PHIP: variants seen among roughly 807,000 people sequenced by gnomAD.
PHIP encodes the protein PH-interacting protein.
Under a neutral mutation model 236.8 loss-of-function variants are expected in PHIP, and 54 were observed. The ratio of observed to expected loss-of-function variants is 0.23; its 90% CI spans 0.18 to 0.29. The LOEUF is 0.29. Ranked by LOEUF, PHIP falls within the 10% of genes least tolerant of loss-of-function variation. PHIP has a pLI of 1.00. For synonymous variants in PHIP, 756 were observed against 718.9 expected (o/e 1.05, Z -0.83); for missense variants, 1,370 against 2,190.8 (o/e 0.63, Z 7.48).
chr6:79,044,826 G>A (rs911310362), intron 6 of PHIP, among the ~76,000 whole-genome samples: 6 of 151,986 alleles, frequency 3.9e-5, no homozygotes, highest in Middle Eastern at 3.4e-3. Context: ...TCTAAAAATC[G>A]GAGATGATAA....
chr6:78,956,252 T>C (rs755971448), intron 32 of PHIP: 1 of 152,256 alleles, frequency 6.6e-6, no homozygotes, highest in African/African-American at 2.4e-5. Flanking sequence ...GTAATGGGAA[T>C]CTTGGTTTTT....
intron 24 of PHIP, among the ~76,000 whole-genome samples, chr6:78,978,047 A>C (rs186297047): frequency 2.0e-4 from 30 of 152,254 alleles, no homozygotes; most frequent in African/African-American, 6.5e-4. Flanking sequence ...TGTTGAGACC[A>C]GTTCTTACAT....
At chr6:78,989,841 T>C (rs1240457176) in intron 20 of PHIP, among the ~76,000 whole-genome samples, 2 of 152,142 alleles carry the variant, frequency 1.3e-5, no homozygotes, top group East Asian at 1.9e-4. Flanking sequence ...AAAGGTACGC[T>C]TTCCACTTAC....
At chr6:78,965,349 CA>C (rs1372223603) in intron 29 of PHIP, among the ~76,000 whole-genome samples, 1 of 152,170 alleles carries the variant, frequency 6.6e-6, no homozygotes, top group East Asian at 1.9e-4. Context: ...CCGTCTCACT[CA>C]AAAGCATGAC....
At chr6:78,997,706 G>T (rs754563132) in intron 18 of PHIP, 109 bp from the exon 19 acceptor site, 1 of 861,084 alleles carries the variant, frequency 1.2e-6, no homozygotes, top group South Asian at 2.0e-5. Context: ...TTCATATTGT[G>T]GCAAAATAAT....
chr6:78,982,258 G>A (rs1407166968), intron 23 of PHIP, among the ~76,000 whole-genome samples: 1 of 152,108 alleles, frequency 6.6e-6, no homozygotes, highest in East Asian at 1.9e-4. Flanking sequence ...CATAAGAGCT[G>A]ACAGATATTC....
In PHIP at chr6:78,963,223, C is replaced by T. The variant is rs774743033; in HGVS notation, c.3409G>A (p.Val1137Ile). The T allele has an allele frequency of 6.2e-7, 1 of 1,606,936 alleles. No individual in the cohort carries two copies. The highest frequency in any genetic ancestry group is 8.5e-7 in the Non-Finnish European group (1 of 1,177,300). ...CTGCACTCACCATCAGTTAAAGGAACACTGGTACCTAGTTCTTCAGGAAAT... is the reference window on the plus strand; with the variant it reads ...CTGCACTCACCATCAGTTAAAGGAATACTGGTACCTAGTTCTTCAGGAAAT... ...AVFPEELGTS[V>I]PLTDGECRSL... The change falls in exon 30 of 40, where the codon GTT becomes ATT. Residue 1137 changes from valine to isoleucine, a missense_variant. By Grantham distance (29) the Val-to-Ile change is conservative. Around this residue, in one of 14 missense-constraint regions of PHIP, gnomAD observed 238 missense variants for 398.5 expected, o/e 0.60. Transcript: ENST00000275034.
At position 78,964,070 on chromosome 6, in the gene PHIP, C is replaced by T. The variant is rs139415634; in HGVS notation, c.3380-818G>A. Among the ~76,000 whole-genome samples, 97 of 152,296 alleles carry T rather than the reference C, an allele frequency of 6.4e-4. 1 individual carries two copies. The South Asian group carries it at 8.1e-3, about 13-fold the overall frequency. On this transcript the variant is annotated intron_variant, in intron 29 of 39. Transcript: ENST00000275034. ...ATTATAACACCAACTGGCTGCATTG[C>T]TATCATATTCACAACAGTTCAATGT...
intron 15 of PHIP, among the ~76,000 whole-genome samples, chr6:79,012,126 A>C (rs1770611074): frequency 6.6e-6 from 1 of 151,714 alleles, no homozygotes. Context: ...AAAATGCAGT[A>C]AAATGCTGAT....
intron 35 of PHIP, among the ~76,000 whole-genome samples, chr6:78,948,362 A>T (rs2127684178): frequency 6.6e-6 from 1 of 152,320 alleles, no homozygotes; most frequent in South Asian, 2.1e-4. Flanking sequence ...TAGAGTATAA[A>T]ATTAGGTAAC....
intron 34 of PHIP, 73 bp downstream of exon 34, chr6:78,955,158 TA>T: frequency 4.7e-6 from 5 of 1,071,046 alleles, no homozygotes; most frequent in East Asian, 2.7e-5. Context: ...ATGCTAAGAG[TA>T]AAAAAATAAA....
chr6:78,978,831 T>G, intron 23 of PHIP, 120 bp from the exon 24 acceptor site: 2 of 704,520 alleles, frequency 2.8e-6, no homozygotes, highest in African/African-American at 1.8e-5. Context: ...CATTGTACAA[T>G]ATTATATACA....
At chr6:78,943,019 A>T (rs1334670634) in intron 39 of PHIP, among the ~76,000 whole-genome samples, 4 of 152,340 alleles carry the variant, frequency 2.6e-5, no homozygotes, top group Admixed American at 2.6e-4. Context: ...CTTAGGAACT[A>T]AATTTTTATT....
chr6:79,050,807 G>A (rs1279335260), intron 6 of PHIP, among the ~76,000 whole-genome samples: 1 of 152,154 alleles, frequency 6.6e-6, no homozygotes, highest in African/African-American at 2.4e-5. Context: ...ATATTACAGT[G>A]TATGAATGTA....
chr6:79,006,951 A>G (rs1255943598), intron 15 of PHIP, among the ~76,000 whole-genome samples: 1 of 152,076 alleles, frequency 6.6e-6, no homozygotes, highest in Non-Finnish European at 1.5e-5. Context: ...AAAGAAAATA[A>G]AAGTATATTC....
chr6:78,971,623 C>T (rs981916445), intron 24 of PHIP, among the ~76,000 whole-genome samples: 1 of 152,106 alleles, frequency 6.6e-6, no homozygotes, highest in Non-Finnish European at 1.5e-5. Context: ...GTAACGGGTT[C>T]ATCTCACTAG....
At chr6:79,046,903 T>TAA (rs747732821) in intron 6 of PHIP, among the ~76,000 whole-genome samples, 18 of 109,568 alleles carry the variant, frequency 1.6e-4, no homozygotes, top group South Asian at 8.7e-4. Flanking sequence ...GTTTAAGAAT[T>TAA]AAAAAAAAAA....
intron 29 of PHIP, among the ~76,000 whole-genome samples, chr6:78,963,615 A>C (rs1766936907): frequency 6.6e-6 from 1 of 152,198 alleles, no homozygotes; most frequent in Non-Finnish European, 1.5e-5. Flanking sequence ...GTAAAACTGA[A>C]CTAAAGTGAC....
intron 20 of PHIP, among the ~76,000 whole-genome samples, chr6:78,989,447 T>C (rs1249340253): frequency 6.6e-6 from 1 of 151,680 alleles, no homozygotes; most frequent in African/African-American, 2.4e-5. Context: ...AAAAAGAGAA[T>C]CACATCCATG....
Sources: allele counts gnomAD v4.1 joint callset (sites outside exome capture counted in the v4.1 genomes callset), GRCh38; gene constraint gnomAD v4.1.1; regional missense constraint gnomAD v4.1.1; transcripts MANE v1.5; gene names NCBI Gene and HGNC (gene_info 2026-07-23, HGNC 2026-07-21).